The following GAK variants were observed in gnomAD, a reference collection of about 807,000 sequenced individuals.
GAK encodes the protein cyclin G associated kinase.
In GAK, 79 loss-of-function variants were observed where a neutral mutation model predicts 143.9. The observed-to-expected ratio is 0.55, with a 90% CI of 0.46 to 0.66. The LOEUF (loss-of-function observed/expected upper bound fraction) is 0.66, where lower values mean the gene tolerates loss of function less well. Ranked by LOEUF, GAK falls within the 30% of genes least tolerant of loss-of-function variation. The probability of loss-of-function intolerance (pLI) is 0.00; values close to 1 mark genes in which losing one functional copy is unlikely to be tolerated. For synonymous variants in GAK, 881 were observed against 765.5 expected, an observed-to-expected ratio of 1.15 and a Z score of -2.49; for missense variants, 1,693 against 1,779.7, an observed-to-expected ratio of 0.95 and a Z score of 0.88.
chr4:909,670 GC>G (rs1425989720), intron 4 of GAK, among the ~76,000 whole-genome samples: 2 of 152,218 alleles, frequency 1.3e-5, no homozygotes, highest in African/African-American at 4.8e-5. Flanking sequence ...GAGTTATGAG[GC>G]TTTCTGGTCT....
intron 5 of GAK, among the ~76,000 whole-genome samples, chr4:901,606 G>A (rs923475023): frequency 3.3e-5 from 5 of 152,210 alleles, no homozygotes; most frequent in Non-Finnish European, 5.9e-5. Context: ...CCAGATGAAC[G>A]AAACCTCTGG....
intron 24 of GAK, chr4:853,087 C>T (rs908300705): frequency 6.6e-6 from 1 of 152,164 alleles, no homozygotes; most frequent in South Asian, 2.1e-4. Context: ...GGCCTCACCT[C>T]CCACAGGGCT....
At chr4:885,082 C>T (rs1020533922) in intron 11 of GAK, among the ~76,000 whole-genome samples, 4 of 152,016 alleles carry the variant, frequency 2.6e-5, no homozygotes, top group Non-Finnish European at 5.9e-5. Context: ...ACTCAGGATG[C>T]GGGTCTTCCG....
rs114856459 is a variant in GAK, at chr4:870,801, G to A, written c.2158C>T (p.Pro720Ser). 9.1e-4 allele frequency: 1,468 copies of A among 1,614,076 alleles called. 10 individuals carry two copies. The African/African-American group carries it at 0.016, about 18-fold the overall frequency. Residue 720 changes from proline to serine, a missense_variant, in exon 19 of 28, where the codon CCA becomes TCA. By Grantham distance (74) the Pro-to-Ser change is moderately conservative. Around this residue, in one of 2 missense-constraint regions of GAK, gnomAD observed 871 missense variants for 991.0 expected, o/e 0.88. Transcript: ENST00000314167. ...EPRDRPSREA[P>S]PWENSSMRGL... ...CTCATGCTCGAGTTCTCCCATGGTG[G>A]GGCTTCCCGGCTCGGCCTGTCCCTG...
intron 2 of GAK, 104 bp from the exon 3 acceptor site, chr4:912,898 T>A: frequency 1.1e-6 from 1 of 882,834 alleles, no homozygotes; most frequent in Non-Finnish European, 1.8e-6. Context: ...CAATGCAATG[T>A]GTCTAATACA....
intron 7 of GAK, among the ~76,000 whole-genome samples, chr4:895,027 C>A (rs865964727): frequency 1.4e-5 from 2 of 145,608 alleles, no homozygotes; most frequent in East Asian, 3.9e-4. Flanking sequence ...AGGTTCCTTT[C>A]AAAATTCCGG....
At chr4:856,170 AC>A (rs1749091586) in intron 24 of GAK, among the ~76,000 whole-genome samples, 1 of 135,416 alleles carries the variant, frequency 7.4e-6, no homozygotes, top group African/African-American at 2.7e-5. Context: ...GCTCACCACC[AC>A]AGCTGCTCAC....
intron 11 of GAK, among the ~76,000 whole-genome samples, chr4:885,474 T>C (rs561515857): frequency 1.2e-3 from 180 of 152,280 alleles, no homozygotes; most frequent in African/African-American, 3.4e-3. Flanking sequence ...AAGGTGGGCA[T>C]TGAGTGCCAC....
At position 932,268 on chromosome 4, in the gene GAK, G is replaced by A; in HGVS notation, c.-81C>T. ...CTCCCTCGCCGTCCGGGTCAGCTCA[G>A]CAACCGCCGGCCCGGAGGTGCACCA... On this transcript the variant is annotated 5_prime_UTR_variant, in exon 1 of 28. Transcript: ENST00000314167. This position sits in a 1 kb window ranked among gnomAD's most constrained non-coding sequence, Gnocchi z 4.0. 7.0e-7 allele frequency: 1 copy of A among 1,423,144 alleles called. No homozygotes were observed. The highest frequency in any genetic ancestry group is 9.1e-7 in the Non-Finnish European group (1 of 1,096,844). The allele number at this position is 1,423,144 out of a possible 1,614,324, so 88.2% of individuals were successfully genotyped here.
intron 13 of GAK, 92 bp from the exon 14 acceptor site, chr4:882,911 G>A: frequency 6.7e-7 from 1 of 1,499,482 alleles, no homozygotes; most frequent in Non-Finnish European, 9.0e-7. Context: ...CAGTGCGGGG[G>A]CCTCCGCCAG....
rs1387010195 is a variant in GAK, at chr4:890,642, G to A, written c.991-20C>T. On this transcript the variant is annotated intron_variant, in intron 9 of 27. Coordinates refer to ENST00000314167, the MANE Select transcript of GAK (RefSeq NM_005255.4). ...CAGGAGCTGTGACAATGAAAATGCA[G>A]AGGTCAGTTCTCTAAACTGACAACT... The A allele has an allele frequency of 1.3e-6, 2 of 1,598,834 alleles. No individual in the cohort carries two copies. The highest frequency in any genetic ancestry group is 1.7e-5 in the Admixed American group (1 of 57,740).
At position 850,090 on chromosome 4, in the gene GAK, C is replaced by T. The variant is rs752271737; in HGVS notation, c.3658-22G>A. The T allele has an allele frequency of 6.5e-6, 10 of 1,543,766 alleles. No individual in the cohort carries two copies. In the African/African-American group the frequency reaches 1.2e-4, roughly 19 times the overall value. ...GGAGCTGCGGGAGACACGGAGCTTG[C>T]CGAGCCCTGGGCACCTGCCTGCCCT... is the stretch of plus-strand genomic sequence containing the variant. On this transcript the variant is annotated intron_variant, in intron 26 of 27. Transcript: ENST00000314167.
At position 874,575 on chromosome 4, in the gene GAK, C is replaced by T. The variant is rs115905950; in HGVS notation, c.2054+1955G>A. On this transcript the variant is annotated intron_variant, in intron 18 of 27. Coordinates refer to ENST00000314167, the MANE Select transcript of GAK (RefSeq NM_005255.4). ...CACTCTGCAGGTCATGCATTCCCAC[C>T]CCGTCCTGTCCTCGGGCTGGAGATT... Among the ~76,000 whole-genome samples, 1,384 of 152,238 alleles carry T rather than the reference C, an allele frequency of 9.1e-3. 15 individuals carry two copies. The highest frequency in any genetic ancestry group is 0.032 in the African/African-American group (1,317 of 41,526).
chr4:858,520 G>A (rs1749687886), intron 24 of GAK, among the ~76,000 whole-genome samples: 1 of 152,206 alleles, frequency 6.6e-6, no homozygotes, highest in Non-Finnish European at 1.5e-5. Context: ...CGTGCTCTCA[G>A]ACAACACAAG....
chr4:924,992 G>A (rs570081987), intron 1 of GAK, among the ~76,000 whole-genome samples: 5 of 152,244 alleles, frequency 3.3e-5, no homozygotes, highest in Admixed American at 3.3e-4. Context: ...CTGCTCTCAG[G>A]AGGAGGTTGC....
intron 19 of GAK, chr4:869,743 CACAGT>C (rs199758200): frequency 6.7e-6 from 1 of 149,754 alleles, no homozygotes; most frequent in Non-Finnish European, 1.5e-5. Context: ...CATGAATGCA[CACAGT>C]ACACACAGAT....
At chr4:911,152 G>T (rs1355384137) in intron 4 of GAK, among the ~76,000 whole-genome samples, 1 of 152,150 alleles carries the variant, frequency 6.6e-6, no homozygotes, top group African/African-American at 2.4e-5. Flanking sequence ...ACCCTGATGA[G>T]GCTGGGCACC....
intron 9 of GAK, among the ~76,000 whole-genome samples, chr4:890,972 CAG>C (rs1717527985): frequency 6.8e-6 from 1 of 147,316 alleles, no homozygotes. Flanking sequence ...TTGGTAGAGA[CAG>C]AGTCTTGCTC....
intron 5 of GAK, among the ~76,000 whole-genome samples, chr4:900,198 C>A (rs114052626): frequency 2.2e-4 from 33 of 152,344 alleles, no homozygotes; most frequent in African/African-American, 7.5e-4. Flanking sequence ...ACAGGGCAGG[C>A]GAGTGGGGCC....
Sources: allele counts gnomAD v4.1 joint callset (sites outside exome capture counted in the v4.1 genomes callset), GRCh38; gene constraint gnomAD v4.1.1; regional missense constraint gnomAD v4.1.1; non-coding constraint Gnocchi (gnomAD v3.1); transcripts MANE v1.5; gene names NCBI Gene and HGNC (gene_info 2026-07-23, HGNC 2026-07-21).